Variants in PIR observed in about 807,000 individuals in gnomAD.
PIR encodes the protein pirin.
PIR carries 22 observed loss-of-function variants against 24.2 expected under a neutral mutation model. The observed-to-expected ratio is 0.91, with a 90% confidence interval of 0.65 to 1.30. The LOEUF is 1.30. Among genes scored for constraint, PIR ranks in the 50% most tolerant of loss-of-function variants. The pLI is 0.00. For synonymous variants in PIR, 80 were observed against 79.6 expected (o/e 1.00, Z -0.03); for missense variants, 220 against 220.3 (o/e 1.00, Z 0.01).
intron 6 of PIR, among the ~76,000 whole-genome samples, chrX:15,413,780 T>C (rs1168861237): frequency 8.9e-6 from 1 of 111,908 alleles, no homozygotes; most frequent in African/African-American, 3.2e-5. Flanking sequence ...CAGTTAGTTT[T>C]CCAGAATAAA....
chrX:15,491,813 C>T (rs1280710431), intron 1 of PIR, among the ~76,000 whole-genome samples: 1 of 111,036 alleles, frequency 9.0e-6, no homozygotes, highest in East Asian at 2.8e-4. Flanking sequence ...TAGGCTATAC[C>T]ATATATCCTA....
intron 3 of PIR, among the ~76,000 whole-genome samples, chrX:15,477,039 T>C (rs1387558435): frequency 8.9e-6 from 1 of 112,075 alleles, no homozygotes; most frequent in East Asian, 2.8e-4. Flanking sequence ...TGAAAATATA[T>C]CAAAATAAAA....
chrX:15,393,581 G>A (rs775197022), intron 8 of PIR, among the ~76,000 whole-genome samples: 1 of 110,468 alleles, frequency 9.1e-6, no homozygotes, highest in African/African-American at 3.3e-5. Context: ...CCCACTGCTC[G>A]AATTACCACC....
rs965987788 is a variant in PIR at position 15,489,786 on chromosome X, C to T, written c.96+1376G>A. Among the ~76,000 whole-genome samples, 4 of 111,699 alleles carry T rather than the reference C, an allele frequency of 3.6e-5. No individual in the cohort carries two copies. The Admixed American group carries it at 3.8e-4, about 11-fold the overall frequency. On this transcript the variant is annotated intron_variant, in intron 2 of 9. Coordinates refer to ENST00000380420, the MANE Select transcript of PIR (RefSeq NM_001018109.3). ...ACAGTTTTTCCTCTGCCTCAGTGGC[C>T]AATCAACATTACGCTAGGTGAAATA...
Position 15,456,052 on chromosome X carries a change from C to T in PIR, c.276G>A (p.Trp92Ter), listed in dbSNP as rs1921071655. Reference protein sequence around the residue: ...TGKMNPGDLQWMTAGRGILHA... With the variant: ...TGKMNPGDLQ ...GCAGAATGCCCCGGCCCGCAGTCAT[C>T]CACTGCAAACACAAAACCAACAAGA... is the stretch of plus-strand genomic sequence containing the variant. The change falls in exon 5 of 10, where the codon TGG (tryptophan) becomes TGA (stop). Residue 92 changes from tryptophan to a stop codon, truncating the protein, a stop_gained and splice_region_variant. Coordinates refer to ENST00000380420, the MANE Select transcript of PIR (RefSeq NM_001018109.3). LOFTEE classifies it high-confidence loss of function. The T allele has an allele frequency of 1.7e-6, 2 of 1,206,857 alleles. No homozygotes were observed. Among genetic ancestry groups the T allele is most frequent in the East Asian group, 3.0e-5 (1 of 33,847 alleles).
chrX:15,441,306 T>C lies in PIR; in HGVS notation c.480+14542A>G, dbSNP rs759914413. 3.6e-5 allele frequency among the ~76,000 whole-genome samples: 4 copies of C among 111,988 alleles called. No individual in the cohort carries two copies. The South Asian group carries it at 1.1e-3, about 31-fold the overall frequency. On this transcript the variant is annotated intron_variant, in intron 5 of 9. Transcript: ENST00000380420. ...AGAACTTTACTTTTGTCTTAGAAGT[T>C]TGATGATAGGAGAGGTTTATGTTCA...
rs73451240 is a variant in PIR, at chrX:15,454,349, G to A, written c.480+1499C>T. The stretch of plus-strand genomic sequence containing the variant: ...GCAAAGTAAGCAATAGGTCTGCCAG[G>A]GGTGTGGACAGCAGTCAGGTATGCT... On this transcript the variant is annotated intron_variant, in intron 5 of 9. Coordinates refer to ENST00000380420, the MANE Select transcript of PIR (RefSeq NM_001018109.3). 7.3e-3 allele frequency among the ~76,000 whole-genome samples: 810 copies of A among 110,940 alleles called. 10 individuals are homozygous for A. Among genetic ancestry groups the A allele is most frequent in the African/African-American group, 0.025 (769 of 30,509 alleles).
chrX:15,492,626 A>G (rs111378408), intron 1 of PIR, among the ~76,000 whole-genome samples: 2,274 of 111,807 alleles, frequency 0.02, 59 homozygotes, highest in African/African-American at 0.069. Context: ...TTCACCACAT[A>G]TCAGCTGTGT....
At chrX:15,425,411 C>CT (rs756160029) in intron 6 of PIR, among the ~76,000 whole-genome samples, 1,268 of 92,035 alleles carry the variant, frequency 0.014, 23 homozygotes, top group African/African-American at 0.032. Flanking sequence ...TTCTTTCTTT[C>CT]TTTTTTTTTT....
chrX:15,404,539 G>A (rs745364888), intron 7 of PIR, among the ~76,000 whole-genome samples: 150 of 111,724 alleles, frequency 1.3e-3, no homozygotes, highest in Middle Eastern at 4.6e-3. Context: ...TTGACATTTC[G>A]AAAAAGACAA....
Position 15,390,255 on chromosome X carries a change from A to C in PIR, c.694-4T>G, listed in dbSNP as rs778927283. On this transcript the variant is annotated splice_region_variant and splice_polypyrimidine_tract_variant and intron_variant, in intron 8 of 9. Transcript: ENST00000380420. ...CAAAGTGGCTTCTCTTGGGATCCTAAAGTTAACAAAGAAAACATCAAACAA... is the reference window on the plus strand; with the variant it reads ...CAAAGTGGCTTCTCTTGGGATCCTACAGTTAACAAAGAAAACATCAAACAA... 2.8e-6 allele frequency: 3 copies of C among 1,075,631 alleles called. No individual in the cohort carries two copies. Among genetic ancestry groups the C allele is most frequent in the African/African-American group, 3.7e-5 (2 of 54,242 alleles). 88.6% of individuals were successfully genotyped at this position (1,075,631 alleles called of 1,213,427 possible). A position where few individuals can be genotyped will look rare whatever the true frequency, so the allele number is the denominator to read the frequency against.
At chrX:15,422,486 A>G (rs1346031910) in intron 6 of PIR, among the ~76,000 whole-genome samples, 1 of 111,514 alleles carries the variant, frequency 9.0e-6, no homozygotes. Context: ...GTTGCAGGAT[A>G]CAAAATCAAC....
At chrX:15,428,224 T>C (rs1187327351) in intron 5 of PIR, among the ~76,000 whole-genome samples, 1 of 111,424 alleles carries the variant, frequency 9.0e-6, no homozygotes, top group Non-Finnish European at 1.9e-5. Flanking sequence ...ATCAGAGAGC[T>C]TGAAACACAC....
intron 5 of PIR, among the ~76,000 whole-genome samples, chrX:15,454,065 G>A (rs951921459): frequency 9.0e-5 from 10 of 111,563 alleles, no homozygotes; most frequent in Non-Finnish European, 1.9e-4. Context: ...TGGAAACAGG[G>A]AAGGAAAATA....
chrX:15,390,792 T>A (rs994200334), intron 8 of PIR, among the ~76,000 whole-genome samples: 2 of 111,502 alleles, frequency 1.8e-5, no homozygotes, highest in East Asian at 5.6e-4. Flanking sequence ...TCTCTAAAAG[T>A]TTTTGCTTAG....
At chrX:15,399,606 C>A (rs1219126155) in intron 7 of PIR, among the ~76,000 whole-genome samples, 18 of 112,210 alleles carry the variant, frequency 1.6e-4, no homozygotes, top group Non-Finnish European at 1.3e-4. Flanking sequence ...ATGTAGCCAA[C>A]AAGCCACAGT....
chrX:15,479,488 C>T (rs1046468039), intron 3 of PIR, among the ~76,000 whole-genome samples: 1 of 110,438 alleles, frequency 9.1e-6, no homozygotes, highest in African/African-American at 3.3e-5. Flanking sequence ...ATTTTAATTA[C>T]AAAAATATTT....
chrX:15,457,469 G>T (rs1602280802), intron 4 of PIR, among the ~76,000 whole-genome samples: 1 of 111,911 alleles, frequency 8.9e-6, no homozygotes, highest in East Asian at 2.8e-4. Flanking sequence ...TATCATTATT[G>T]CCATTATAAT....
intron 5 of PIR, among the ~76,000 whole-genome samples, chrX:15,444,568 C>A (rs1240535297): frequency 9.0e-6 from 1 of 111,605 alleles, no homozygotes; most frequent in Non-Finnish European, 1.9e-5. Flanking sequence ...TTGACTTCCA[C>A]TGAATTTTAG....
Sources: allele counts gnomAD v4.1 joint callset (sites outside exome capture counted in the v4.1 genomes callset), GRCh38; gene constraint gnomAD v4.1.1; transcripts MANE v1.5; gene names NCBI Gene and HGNC (gene_info 2026-07-23, HGNC 2026-07-21).